The following CEP295NL variants were observed in gnomAD, a reference collection of about 807,000 sequenced individuals.
The protein encoded by CEP295NL is protein DDC8 homolog.
A neutral mutation model predicts 4.6 loss-of-function variants in CEP295NL; 3 were observed. That is an observed-to-expected ratio of 0.65 (90% confidence interval 0.30 to 1.69). The LOEUF (loss-of-function observed/expected upper bound fraction) is 1.69, where lower values mean the gene tolerates loss of function less well. CEP295NL is among the 40% of genes most tolerant of loss of function. The probability of loss-of-function intolerance (pLI) is 0.10; values close to 1 mark genes in which losing one functional copy is unlikely to be tolerated. For synonymous variants in CEP295NL, 295 were observed against 312.2 expected (o/e 0.94, Z 0.58); for missense variants, 719 against 769.0 (o/e 0.93, Z 0.77).
intron 2 of CEP295NL, among the ~76,000 whole-genome samples, chr17:78,894,532 G>A (rs777504538): frequency 7.2e-5 from 11 of 152,190 alleles, no homozygotes; most frequent in South Asian, 2.1e-4. Flanking sequence ...AAGGTGCCAC[G>A]GCAATTTAAT....
chr17:78,891,111 A>G lies in CEP295NL; in HGVS notation c.1393T>C (p.Leu465=). 1.9e-6 allele frequency: 3 copies of G among 1,550,820 alleles called. No homozygotes were observed. Among genetic ancestry groups the G allele is most frequent in the Middle Eastern group, 1.7e-4 (1 of 5,992 alleles). ...TCTTGTCCAGATTCAGTGCTATACA[A>G]TAATGAGTCCTCTTTGTTGATAAAT... ...GIFINKEDSL[L]YSTESGQETP... is the part of the protein sequence containing the mutation. Residue 465 remains leucine (L), a synonymous_variant, in exon 3 of 3, where the codon TTG becomes CTG. Coordinates refer to ENST00000322630, the MANE Select transcript of CEP295NL (RefSeq NM_001243540.2). The surrounding 1 kb of genome is among the most constrained non-coding windows in gnomAD (Gnocchi z 4.5).
chr17:78,902,054 G>A (rs962431999), intron 1 of CEP295NL, 128 bp from the exon 2 acceptor site: 15 of 515,052 alleles, frequency 2.9e-5, no homozygotes, highest in African/African-American at 7.8e-5. Flanking sequence ...CTTGGTTTTC[G>A]CCCTCTTCTC....
intron 2 of CEP295NL, chr17:78,898,418 CTGCTTGGACTG>C (rs1447340220): frequency 6.6e-6 from 1 of 152,288 alleles, no homozygotes; most frequent in East Asian, 1.9e-4. Flanking sequence ...CAAGGAGACT[CTGCTTGGACTG>C]TGCTTGGCCT....
chr17:78,897,447 G>C (rs540892774), intron 2 of CEP295NL: 1 of 152,210 alleles, frequency 6.6e-6, no homozygotes, highest in Non-Finnish European at 1.5e-5. Context: ...GGCTAAGTCA[G>C]GGCGGTTGTA....
intron 2 of CEP295NL, chr17:78,901,356 G>A: frequency 4.8e-6 from 1 of 207,752 alleles, no homozygotes; most frequent in South Asian, 7.4e-5. Flanking sequence ...AACTGTTCAA[G>A]ACCTAAAGGA....
At chr17:78,893,478 TGTGTGTGCAGGGGTGTGTGCGCGCAGGG>T (rs1470846523) in intron 2 of CEP295NL, among the ~76,000 whole-genome samples, 2 of 149,952 alleles carry the variant, frequency 1.3e-5, no homozygotes, top group Non-Finnish European at 3.0e-5. Context: ...TGCATAGCGG[TGTGTGTGCAGGGGTGTGTGCGCGCAGGG>T]GTGTGTGCGT....
Position 78,896,903 on chromosome 17 carries a change from G to T in CEP295NL, c.45-4444C>A. 2.0e-6 allele frequency: 2 copies of T among 984,788 alleles called. No homozygotes were observed. Among genetic ancestry groups the T allele is most frequent in the Non-Finnish European group, 2.4e-6 (2 of 829,378 alleles). The allele number at this position is 984,788 out of a possible 1,614,324, so 61.0% of individuals were successfully genotyped here. On this transcript the variant is annotated intron_variant, in intron 2 of 2. Coordinates refer to ENST00000322630, the MANE Select transcript of CEP295NL (RefSeq NM_001243540.2). The surrounding 1 kb of genome is among the most constrained non-coding windows in gnomAD (Gnocchi z 4.4). ...ATCCGATCCCAGCACCTGGGCCCAGGAATGTGCTTGGCCACCAGATTCCCA... is the reference window on the plus strand; with the variant it reads ...ATCCGATCCCAGCACCTGGGCCCAGTAATGTGCTTGGCCACCAGATTCCCA...
rs2070000057 is a variant in CEP295NL, at chr17:78,896,401, G to A, written c.45-3942C>T. Among the ~76,000 whole-genome samples the A allele has an allele frequency of 6.6e-6, 1 of 152,202 alleles. No homozygotes were observed. Among genetic ancestry groups the A allele is most frequent in the Non-Finnish European group, 1.5e-5 (1 of 68,048 alleles). On this transcript the variant is annotated intron_variant, in intron 2 of 2. Transcript: ENST00000322630. The surrounding 1 kb of genome is among the most constrained non-coding windows in gnomAD (Gnocchi z 4.4). ...GTGTCTCTCCAGCCCTGCCAGACAGGACGTCGGGTGCCCTTGGCAGGACAC... is the reference window on the plus strand; with the variant it reads ...GTGTCTCTCCAGCCCTGCCAGACAGAACGTCGGGTGCCCTTGGCAGGACAC...
chr17:78,899,978 CT>C (rs2070064972), intron 2 of CEP295NL: 1 of 152,184 alleles, frequency 6.6e-6, no homozygotes, highest in Non-Finnish European at 1.5e-5. Flanking sequence ...AGAGCTTACC[CT>C]TTCATATGGA....
At chr17:78,897,084 C>T in intron 2 of CEP295NL, 1 of 770,910 alleles carries the variant, frequency 1.3e-6, no homozygotes, top group Non-Finnish European at 1.6e-6. Context: ...GTGCCAGGGC[C>T]CACAGACAGC....
chr17:78,893,549 C>T (rs2069952000), intron 2 of CEP295NL, among the ~76,000 whole-genome samples: 1 of 151,064 alleles, frequency 6.6e-6, no homozygotes, highest in African/African-American at 2.4e-5. Flanking sequence ...GTGCACATGC[C>T]TGCACATCTG....
In CEP295NL at chr17:78,891,373, A is replaced by G. The variant is rs2069890743; in HGVS notation, c.1131T>C (p.His377=). The part of the protein sequence containing the change: ...PRMDQRPGEG[H]AFSEMQECGA... The stretch of plus-strand genomic sequence containing the variant: ...CACACTCTTGCATCTCTGAGAAGGC[A>G]TGCCCTTCCCCAGGTCTCTGGTCCA... Residue 377 remains histidine, a synonymous_variant, in exon 3 of 3, where the codon CAT becomes CAC. Transcript: ENST00000322630. This position sits in a 1 kb window ranked among gnomAD's most constrained non-coding sequence, Gnocchi z 4.5. The G allele has an allele frequency of 1.9e-6, 3 of 1,550,534 alleles. No individual in the cohort carries two copies. The highest frequency in any genetic ancestry group is 2.4e-5 in the South Asian group (2 of 84,068).
chr17:78,893,168 T>C (rs1047128610), intron 2 of CEP295NL, among the ~76,000 whole-genome samples: 13 of 141,052 alleles, frequency 9.2e-5, no homozygotes, highest in African/African-American at 3.2e-4. Context: ...GGGGTGTGTG[T>C]GCATACATGT....
chr17:78,894,438 A>C (rs2069966408), intron 2 of CEP295NL, among the ~76,000 whole-genome samples: 1 of 152,162 alleles, frequency 6.6e-6, no homozygotes, highest in Non-Finnish European at 1.5e-5. Flanking sequence ...ATATTTAGCC[A>C]GATCTGCCAA....
rs948825078 is a variant in CEP295NL at position 78,891,097 on chromosome 17, T to C, written c.1407A>G (p.Glu469=). The C allele has an allele frequency of 4.5e-6, 7 of 1,550,728 alleles. No individual in the cohort carries two copies. The highest frequency in any genetic ancestry group is 2.0e-5 in the Admixed American group (1 of 50,980). ...CCAGTTTGGGGGTCTCTTGTCCAGATTCAGTGCTATACAATAATGAGTCCT... is the reference window on the plus strand; with the variant it reads ...CCAGTTTGGGGGTCTCTTGTCCAGACTCAGTGCTATACAATAATGAGTCCT... The part of the protein sequence containing the change: ...NKEDSLLYST[E]SGQETPKLGT... The change falls in exon 3 of 3, where the codon GAA becomes GAG. Residue 469 remains glutamate, a synonymous_variant. Coordinates refer to ENST00000322630, the MANE Select transcript of CEP295NL (RefSeq NM_001243540.2). The surrounding 1 kb of genome is among the most constrained non-coding windows in gnomAD (Gnocchi z 4.5).
At chr17:78,893,879 T>C (rs898871252) in intron 2 of CEP295NL, among the ~76,000 whole-genome samples, 24 of 152,128 alleles carry the variant, frequency 1.6e-4, no homozygotes, top group Admixed American at 1.6e-3. Context: ...CAGTACGGGA[T>C]TGTGTCTGTT....
At position 78,890,774 on chromosome 17, in the gene CEP295NL, G is replaced by A; in HGVS notation, c.1730C>T (p.Thr577Ile). 2 of 1,550,652 alleles carry A rather than the reference G, an allele frequency of 1.3e-6. No individual in the cohort carries two copies. The highest frequency in any genetic ancestry group is 1.7e-6 in the Non-Finnish European group (2 of 1,147,000). The part of the protein sequence containing the change: ...SELSTTSPSG[T>I]SLADDDRHSQ... ...GTGCCGGTCGTCGTCGGCGAGGCTG[G>A]TGCCCGATGGGGAAGTGGTGCTGAG... is the stretch of plus-strand genomic sequence containing the variant. The change falls in exon 3 of 3, where the codon ACC (threonine) becomes ATC (isoleucine). Residue 577 changes from threonine to isoleucine, a missense_variant. Coordinates refer to ENST00000322630, the MANE Select transcript of CEP295NL (RefSeq NM_001243540.2).
Position 78,902,252 on chromosome 17 carries a change from C to T in CEP295NL, c.-98-326G>A, listed in dbSNP as rs548448445. ...CTTCCCAAGTAGCTGGGACTACAGG[C>T]GCACGCCACCACACCCAGCTAATTT... On this transcript the variant is annotated intron_variant, in intron 1 of 2. Transcript: ENST00000322630. Among the ~76,000 whole-genome samples, 19 of 152,306 alleles carry T rather than the reference C, an allele frequency of 1.2e-4. No homozygotes were observed. In the South Asian group the frequency reaches 3.5e-3, roughly 28 times the overall value.
rs189767156 is a variant in CEP295NL, at chr17:78,896,335, G to T, written c.45-3876C>A. Among the ~76,000 whole-genome samples, 15 of 152,322 alleles carry T rather than the reference G, an allele frequency of 9.8e-5. No homozygotes were observed. In the East Asian group the frequency reaches 2.9e-3, roughly 29 times the overall value. The stretch of plus-strand genomic sequence containing the variant: ...TGTTGCACAGCCTGCTGGGATGCCT[G>T]CCTCTGCCTGTGATGCCCAGGCTGA... On this transcript the variant is annotated intron_variant, in intron 2 of 2. Transcript: ENST00000322630. The surrounding 1 kb of genome is among the most constrained non-coding windows in gnomAD (Gnocchi z 4.4).
Sources: allele counts gnomAD v4.1 joint callset (sites outside exome capture counted in the v4.1 genomes callset), GRCh38; gene constraint gnomAD v4.1.1; non-coding constraint Gnocchi (gnomAD v3.1); transcripts MANE v1.5; gene names NCBI Gene and HGNC (gene_info 2026-07-23, HGNC 2026-07-21).